UBASH3B: variants seen among roughly 807,000 people sequenced by gnomAD.
UBASH3B encodes the protein ubiquitin-associated and SH3 domain-containing protein B.
UBASH3B carries 37 observed loss-of-function variants against 83.4 expected under a neutral mutation model. The observed-to-expected ratio is 0.44, with a 90% CI of 0.34 to 0.58. The LOEUF is 0.58. Ranked by LOEUF, UBASH3B falls within the 20% of genes least tolerant of loss-of-function variation. The pLI is 0.01. For missense variants in UBASH3B, 657 were observed against 827.2 expected, an observed-to-expected ratio of 0.79 and a Z score of 2.52; for synonymous variants, 304 against 318.3, an observed-to-expected ratio of 0.96 and a Z score of 0.48.
chr11:122,809,878 C>G lies in UBASH3B; in HGVS notation c.1942C>G (p.Gln648Glu). 4 of 1,614,018 alleles carry G rather than the reference C, an allele frequency of 2.5e-6. No individual in the cohort carries two copies. The highest frequency in any genetic ancestry group is 3.4e-6 in the Non-Finnish European group (4 of 1,179,976). ...CTTCAACTGGAGAGAGACCTTGCTT[C>G]AAGAATAAACCACACCAGTGAACAA... is the stretch of plus-strand genomic sequence containing the variant. ...GGFNWRETLLQE is the reference protein window; with the variant it reads ...GGFNWRETLLEE The change falls in exon 14 of 14, where the codon CAA becomes GAA. Residue 648 changes from glutamine (Q) to glutamate (E), a missense_variant. Coordinates refer to ENST00000284273, the MANE Select transcript of UBASH3B (RefSeq NM_032873.5).
rs57203901 is a variant in UBASH3B at position 122,690,167 on chromosome 11, CATATATATATAT to C, written c.161+33988_161+33999del. 1.6e-3 allele frequency among the ~76,000 whole-genome samples: 69 copies of C among 43,562 alleles called. 3 individuals are homozygous for C. Among genetic ancestry groups the C allele is most frequent in the South Asian group, 3.9e-3 (4 of 1,018 alleles). The allele number at this position is 43,562 out of a possible 152,430, so 28.6% of individuals were successfully genotyped here. ...GAGGCCTGCTCCCGAGGCAGGAAAA[CATATATATATAT>C]ATATATATATATATATATATATATA... On this transcript the variant is annotated intron_variant, in intron 1 of 13. Transcript: ENST00000284273.
chr11:122,803,469 C>T (rs1036915783), intron 11 of UBASH3B, among the ~76,000 whole-genome samples: 2 of 152,066 alleles, frequency 1.3e-5, no homozygotes, highest in African/African-American at 2.4e-5. Context: ...GACTGAAAGC[C>T]GAGTTAGGGA....
intron 1 of UBASH3B, among the ~76,000 whole-genome samples, chr11:122,721,084 A>G (rs1860622839): frequency 6.7e-6 from 1 of 148,670 alleles, no homozygotes; most frequent in Non-Finnish European, 1.5e-5. Context: ...TCTCTACCAA[A>G]AATACAAAAA....
At chr11:122,721,443 C>T (rs999125333) in intron 1 of UBASH3B, among the ~76,000 whole-genome samples, 2 of 151,884 alleles carry the variant, frequency 1.3e-5, no homozygotes, top group African/African-American at 4.8e-5. Flanking sequence ...ATTGCTTTCC[C>T]GTATGATGAT....
At chr11:122,764,175 T>C (rs1166038393) in intron 1 of UBASH3B, among the ~76,000 whole-genome samples, 1 of 152,138 alleles carries the variant, frequency 6.6e-6, no homozygotes, top group African/African-American at 2.4e-5. Context: ...TTAATATCCA[T>C]GAGAAGAGGA....
Position 122,797,021 on chromosome 11 carries a change from G to A in UBASH3B, c.1345G>A (p.Ala449Thr), listed in dbSNP as rs776704119. 3 of 1,610,954 alleles carry A rather than the reference G, an allele frequency of 1.9e-6. No individual in the cohort carries two copies. In the African/African-American group the frequency reaches 4.0e-5, roughly 22 times the overall value. Residue 449 changes from alanine (A) to threonine (T), a missense_variant, in exon 9 of 14, where the codon GCA becomes ACA. Transcript: ENST00000284273. ...APITVFGCMQ[A>T]RLVGEALLES... ...CATCACTGTGTTTGGATGCATGCAAGCAAGACTAGTGGGTAAGTATCCTGG... is the reference window on the plus strand; with the variant it reads ...CATCACTGTGTTTGGATGCATGCAAACAAGACTAGTGGGTAAGTATCCTGG...
intron 1 of UBASH3B, among the ~76,000 whole-genome samples, chr11:122,735,127 T>C (rs1451634792): frequency 6.6e-6 from 1 of 152,192 alleles, no homozygotes; most frequent in African/African-American, 2.4e-5. Flanking sequence ...CTTAAGAGGT[T>C]GAGTAGAGAA....
At chr11:122,715,760 C>T (rs757918099) in intron 1 of UBASH3B, among the ~76,000 whole-genome samples, 2 of 152,316 alleles carry the variant, frequency 1.3e-5, no homozygotes, top group East Asian at 1.9e-4. Flanking sequence ...AGTCTCAGAA[C>T]ACAACATATG....
At chr11:122,774,613 G>A (rs953446910) in intron 1 of UBASH3B, among the ~76,000 whole-genome samples, 7 of 152,198 alleles carry the variant, frequency 4.6e-5, no homozygotes, top group African/African-American at 1.7e-4. Flanking sequence ...GAGGGGGTGA[G>A]TTTAGCAGCC....
chr11:122,773,140 G>A (rs974519454), intron 1 of UBASH3B, among the ~76,000 whole-genome samples: 4 of 152,210 alleles, frequency 2.6e-5, no homozygotes, highest in Admixed American at 6.5e-5. Context: ...CAGATGCGCA[G>A]ACTCAGTCTG....
At chr11:122,727,518 C>T (rs1334604496) in intron 1 of UBASH3B, 2 of 152,114 alleles carry the variant, frequency 1.3e-5, no homozygotes, top group Admixed American at 6.6e-5. Context: ...CTCCAGGGCC[C>T]GCCTGTCCCC....
intron 9 of UBASH3B, among the ~76,000 whole-genome samples, chr11:122,797,837 G>A (rs374659585): frequency 1.3e-5 from 2 of 152,160 alleles, no homozygotes; most frequent in African/African-American, 4.8e-5. Flanking sequence ...TTGAGAAACA[G>A]CCTCAGGAAT....
At chr11:122,661,712 T>C (rs1281826556) in intron 1 of UBASH3B, among the ~76,000 whole-genome samples, 1 of 152,168 alleles carries the variant, frequency 6.6e-6, no homozygotes, top group Non-Finnish European at 1.5e-5. Flanking sequence ...CAACATATGC[T>C]TTGTTTTAAG....
At chr11:122,793,044 G>C (rs1178712057) in intron 6 of UBASH3B, among the ~76,000 whole-genome samples, 1 of 152,088 alleles carries the variant, frequency 6.6e-6, no homozygotes, top group Non-Finnish European at 1.5e-5. Context: ...CTAACAACCA[G>C]TTTGCTGTAT....
intron 1 of UBASH3B, among the ~76,000 whole-genome samples, chr11:122,752,615 A>T (rs1861217073): frequency 6.6e-6 from 1 of 152,288 alleles, no homozygotes; most frequent in East Asian, 1.9e-4. Flanking sequence ...GGCAGTAGGG[A>T]TCCATTTTAG....
chr11:122,714,890 T>A (rs4016787), intron 1 of UBASH3B, among the ~76,000 whole-genome samples: 126,353 of 152,140 alleles, frequency 0.83, 52,668 homozygotes, highest in East Asian at 0.95. Flanking sequence ...GAGTGCAATT[T>A]TAGTACCCAT....
intron 1 of UBASH3B, among the ~76,000 whole-genome samples, chr11:122,763,318 A>G (rs1316483672): frequency 6.6e-6 from 1 of 152,180 alleles, no homozygotes; most frequent in Non-Finnish European, 1.5e-5. Context: ...TTTAGCGAGA[A>G]CAAAACAAGG....
At chr11:122,672,894 A>G (rs999297906) in intron 1 of UBASH3B, among the ~76,000 whole-genome samples, 6 of 152,012 alleles carry the variant, frequency 3.9e-5, no homozygotes, top group African/African-American at 1.4e-4. Context: ...CATGGCCTCT[A>G]GGGGTGTCCT....
At chr11:122,695,315 C>T (rs1243866404) in intron 1 of UBASH3B, among the ~76,000 whole-genome samples, 1 of 152,194 alleles carries the variant, frequency 6.6e-6, no homozygotes, top group Non-Finnish European at 1.5e-5. Context: ...TCTATCCACT[C>T]CTGTCATCAC....
Sources: allele counts gnomAD v4.1 joint callset (sites outside exome capture counted in the v4.1 genomes callset), GRCh38; gene constraint gnomAD v4.1.1; transcripts MANE v1.5; gene names NCBI Gene and HGNC (gene_info 2026-07-23, HGNC 2026-07-21).